The following COP1 variants were observed in gnomAD, a reference collection of about 807,000 sequenced individuals.
COP1 encodes the protein E3 ubiquitin-protein ligase COP1.
Under a neutral mutation model 101.3 loss-of-function variants are expected in COP1, and 24 were observed. The observed-to-expected ratio is 0.24, with a 90% CI of 0.17 to 0.33. The LOEUF (loss-of-function observed/expected upper bound fraction) is 0.33, where lower values mean the gene tolerates loss of function less well. COP1 is among the 10% of genes least tolerant of loss of function. The pLI is 1.00. For missense variants in COP1, 663 were observed against 906.2 expected, an observed-to-expected ratio of 0.73 and a Z score of 3.45; for synonymous variants, 347 against 341.9, an observed-to-expected ratio of 1.01 and a Z score of -0.17.
At chr1:176,047,038 A>C (rs1318051004) in intron 11 of COP1, among the ~76,000 whole-genome samples, 1 of 152,190 alleles carries the variant, frequency 6.6e-6, no homozygotes, top group Non-Finnish European at 1.5e-5. Flanking sequence ...AAAACAAGCT[A>C]TTTGAAAGCA....
At chr1:176,146,357 T>C (rs1691586881) in intron 6 of COP1, among the ~76,000 whole-genome samples, 1 of 152,212 alleles carries the variant, frequency 6.6e-6, no homozygotes, top group Admixed American at 6.5e-5. Flanking sequence ...CGCCTCTTAG[T>C]ATTCAAACCC....
chr1:176,020,984 T>G (rs1231414565), intron 15 of COP1, among the ~76,000 whole-genome samples: 2 of 152,162 alleles, frequency 1.3e-5, no homozygotes, highest in Non-Finnish European at 2.9e-5. Flanking sequence ...TCTTCTTTCT[T>G]TTTTTAAGAG....
chr1:176,199,027 C>T (rs753083990), intron 1 of COP1, among the ~76,000 whole-genome samples: 23 of 152,062 alleles, frequency 1.5e-4, no homozygotes, highest in Non-Finnish European at 2.1e-4. Flanking sequence ...GGTAGAAATG[C>T]AAAATGGTGG....
intron 9 of COP1, among the ~76,000 whole-genome samples, chr1:176,103,076 T>C (rs887316633): frequency 4.6e-5 from 7 of 152,174 alleles, no homozygotes; most frequent in African/African-American, 1.7e-4. Context: ...CTATTGCAAT[T>C]CCAGTGTCTT....
intron 11 of COP1, among the ~76,000 whole-genome samples, chr1:176,051,222 C>T (rs1221871911): frequency 6.6e-6 from 1 of 152,150 alleles, no homozygotes; most frequent in East Asian, 1.9e-4. Flanking sequence ...TGAATATTTT[C>T]AGCCATCAAA....
intron 18 of COP1, among the ~76,000 whole-genome samples, chr1:175,980,235 A>AAT (rs1360214202): frequency 0.11 from 16,206 of 151,852 alleles, 964 homozygotes; most frequent in Middle Eastern, 0.16. Context: ...TCAAAATACT[A>AAT]TGATGTCTTT....
intron 1 of COP1, among the ~76,000 whole-genome samples, chr1:176,187,512 G>C (rs1443298013): frequency 6.6e-6 from 1 of 152,018 alleles, no homozygotes; most frequent in African/African-American, 2.4e-5. Context: ...GCCTCCCAAA[G>C]TGTTGGGATT....
At chr1:175,990,990 G>A (rs574982565) in intron 15 of COP1, among the ~76,000 whole-genome samples, 1 of 151,434 alleles carries the variant, frequency 6.6e-6, no homozygotes, top group Admixed American at 6.6e-5. Context: ...ATTATTAATA[G>A]GTTGCACATC....
chr1:176,163,049 A>C, intron 4 of COP1, 61 bp from the exon 5 acceptor site: 1 of 1,497,934 alleles, frequency 6.7e-7, no homozygotes, highest in East Asian at 2.3e-5. Flanking sequence ...AGAGACTAAA[A>C]CAAATGTTTA....
chr1:176,044,732 G>A (rs994182024), intron 12 of COP1, among the ~76,000 whole-genome samples: 1 of 152,128 alleles, frequency 6.6e-6, no homozygotes, highest in South Asian at 2.1e-4. Flanking sequence ...GATGTGCTCC[G>A]AATCTATTTT....
At chr1:176,077,260 C>G (rs1678221906) in intron 11 of COP1, among the ~76,000 whole-genome samples, 2 of 152,074 alleles carry the variant, frequency 1.3e-5, no homozygotes, top group Admixed American at 1.3e-4. Context: ...TTACAAAATA[C>G]TTGTAAGCTG....
chr1:176,125,899 T>C (rs566400889), intron 8 of COP1, among the ~76,000 whole-genome samples: 35 of 152,312 alleles, frequency 2.3e-4, no homozygotes, highest in African/African-American at 7.5e-4. Flanking sequence ...TCAATTTCTT[T>C]CATCAGTGCT....
intron 1 of COP1, among the ~76,000 whole-genome samples, chr1:176,196,464 T>C (rs1699710716): frequency 6.6e-6 from 1 of 151,964 alleles, no homozygotes; most frequent in Non-Finnish European, 1.5e-5. Context: ...GAATAAGGGG[T>C]ATATTATTAT....
intron 9 of COP1, among the ~76,000 whole-genome samples, chr1:176,089,292 A>G (rs1462333017): frequency 2.0e-5 from 2 of 99,540 alleles, no homozygotes; most frequent in African/African-American, 8.0e-5. Context: ...GACTCTGTCT[A>G]AAACAATAAC....
rs965736366 is a variant in COP1, at chr1:175,987,029, C to T, written c.2047G>A (p.Val683Ile). The T allele has an allele frequency of 1.2e-5, 20 of 1,608,570 alleles. No homozygotes were observed. Among genetic ancestry groups the T allele is most frequent in the Middle Eastern group, 1.7e-4 (1 of 6,040 alleles). ...KTLLTFKFDT[V>I]KSVLDKDRKE... ...CGGTCTTTGTCGAGAACACTTTTGA[C>T]TGTATCAAACTTAAAAGTTAGCAAA... Residue 683 changes from valine to isoleucine, a missense_variant, in exon 18 of 20, where the codon GTC (valine) becomes ATC (isoleucine). Around this residue, in one of 4 missense-constraint regions of COP1, gnomAD observed 209 missense variants for 383.3 expected, o/e 0.55. Transcript: ENST00000367669.
chr1:175,966,795 A>G (rs560758186), intron 18 of COP1, among the ~76,000 whole-genome samples: 3 of 152,278 alleles, frequency 2.0e-5, no homozygotes, highest in Admixed American at 6.5e-5. Context: ...ATATCTCCCT[A>G]TAAGTATTAT....
At position 175,953,786 on chromosome 1, in the gene COP1, T is replaced by C. The variant is rs941691413; in HGVS notation, c.2134-6547A>G. ...TTATAAAAAAAAAAAAAAACTCCTATATACATATATATCTAAAACAAAGCC... is the reference window on the plus strand; with the variant it reads ...TTATAAAAAAAAAAAAAAACTCCTACATACATATATATCTAAAACAAAGCC... On this transcript the variant is annotated intron_variant, in intron 18 of 19. Coordinates refer to ENST00000367669, the MANE Select transcript of COP1 (RefSeq NM_022457.7). Among the ~76,000 whole-genome samples, 4 of 150,740 alleles carry C rather than the reference T, an allele frequency of 2.7e-5. No homozygotes were observed. The South Asian group carries it at 8.3e-4, about 31-fold the overall frequency.
At chr1:176,008,671 A>G (rs1664031187) in intron 15 of COP1, among the ~76,000 whole-genome samples, 1 of 152,088 alleles carries the variant, frequency 6.6e-6, no homozygotes, top group Admixed American at 6.6e-5. Flanking sequence ...TTTGGAAAAT[A>G]CTATGTGGCA....
At chr1:176,028,059 T>C (rs1470084665) in intron 14 of COP1, among the ~76,000 whole-genome samples, 1 of 152,000 alleles carries the variant, frequency 6.6e-6, no homozygotes, top group Non-Finnish European at 1.5e-5. Flanking sequence ...CCATCAGATC[T>C]CATGAGACTT....
Sources: allele counts gnomAD v4.1 joint callset (sites outside exome capture counted in the v4.1 genomes callset), GRCh38; gene constraint gnomAD v4.1.1; regional missense constraint gnomAD v4.1.1; transcripts MANE v1.5; gene names NCBI Gene and HGNC (gene_info 2026-07-23, HGNC 2026-07-21).